Variants in TP63 observed in about 807,000 individuals in gnomAD.
The protein encoded by TP63 is tumor protein 63.
Under a neutral mutation model 82.8 loss-of-function variants are expected in TP63, and 17 were observed. That is an observed-to-expected ratio of 0.21 (90% CI 0.14 to 0.31). The LOEUF (loss-of-function observed/expected upper bound fraction) is 0.31. Among genes scored for constraint, TP63 ranks in the 10% least tolerant of loss-of-function variants. TP63 has a pLI of 1.00. For missense variants in TP63, 648 were observed against 895.3 expected, an observed-to-expected ratio of 0.72 and a Z score of 3.52; for synonymous variants, 330 against 321.7, an observed-to-expected ratio of 1.03 and a Z score of -0.28.
chr3:189,759,440 G>C (rs1350826882), intron 3 of TP63, among the ~76,000 whole-genome samples: 1 of 152,164 alleles, frequency 6.6e-6, no homozygotes, highest in Non-Finnish European at 1.5e-5. Context: ...TTTATTGTGA[G>C]CCAAATATGA....
chr3:189,712,926 A>G (rs955695052), intron 1 of TP63, among the ~76,000 whole-genome samples: 5 of 152,112 alleles, frequency 3.3e-5, no homozygotes, highest in African/African-American at 1.2e-4. Context: ...GAGCCATTGA[A>G]AATATCTGAG....
rs192695683 is a variant in TP63 at position 189,675,329 on chromosome 3, T to G, written c.62+43752T>G. Among the ~76,000 whole-genome samples, 73 of 152,150 alleles carry G rather than the reference T, an allele frequency of 4.8e-4. 1 individual carries two copies. The highest frequency in any genetic ancestry group is 1.7e-3 in the African/African-American group (72 of 41,512). On this transcript the variant is annotated intron_variant, in intron 1 of 13. Coordinates refer to ENST00000264731, the MANE Select transcript of TP63 (RefSeq NM_003722.5). ...CATTAAGATCATAGCAAGAAGACTGTCATCAGAAGATAATTATTGAATTTT... is the reference window on the plus strand; with the variant it reads ...CATTAAGATCATAGCAAGAAGACTGGCATCAGAAGATAATTATTGAATTTT...
At chr3:189,656,362 T>C (rs922240490) in intron 1 of TP63, among the ~76,000 whole-genome samples, 4 of 152,142 alleles carry the variant, frequency 2.6e-5, no homozygotes, top group African/African-American at 7.2e-5. Context: ...TTGCAATTTT[T>C]ACATAAATAG....
In TP63 at chr3:189,868,694, G is replaced by A. The variant is rs2108806989; in HGVS notation, c.1107G>A (p.Lys369=). The A allele has an allele frequency of 6.2e-7, 1 of 1,614,088 alleles. No homozygotes were observed. Among genetic ancestry groups the A allele is most frequent in the Non-Finnish European group, 8.5e-7 (1 of 1,179,980 alleles). Residue 369 remains lysine, a synonymous_variant, in exon 8 of 14, where the codon AAG becomes AAA. Coordinates refer to ENST00000264731, the MANE Select transcript of TP63 (RefSeq NM_003722.5). ...IRKQQVSDST[K]NGDGTKRPFR... is the part of the protein sequence containing the mutation. Reference sequence around the variant, plus strand: ...AGCAGCAAGTTTCGGACAGTACAAAGAACGGTGATGGTACGAAGCGCCGTA... The same window carrying A: ...AGCAGCAAGTTTCGGACAGTACAAAAAACGGTGATGGTACGAAGCGCCGTA...
At chr3:189,878,584 T>C (rs1157818749) in intron 10 of TP63, among the ~76,000 whole-genome samples, 2 of 81,018 alleles carry the variant, frequency 2.5e-5, no homozygotes, top group East Asian at 5.7e-4. Flanking sequence ...TATATATAAT[T>C]TTTTTTTTCT....
chr3:189,673,432 T>C (rs1453917659), intron 1 of TP63, among the ~76,000 whole-genome samples: 2 of 152,034 alleles, frequency 1.3e-5, no homozygotes, highest in African/African-American at 4.8e-5. Flanking sequence ...AAGTAGAACA[T>C]AAAGATTGGA....
Position 189,886,411 on chromosome 3 carries a change from C to T in TP63, c.1367C>T (p.Pro456Leu), listed in dbSNP as rs201479097. The T allele has an allele frequency of 2.4e-5, 38 of 1,614,084 alleles. No homozygotes were observed. The African/African-American group carries it at 3.7e-4, about 16-fold the overall frequency. Residue 456 changes from proline to leucine, a missense_variant, in exon 11 of 14, where the codon CCA (proline) becomes CTA (leucine). By Grantham distance (98) the Pro-to-Leu change is moderately conservative. Around this residue, in one of 5 missense-constraint regions of TP63, gnomAD observed 342 missense variants for 425.7 expected, o/e 0.80. Coordinates refer to ENST00000264731, the MANE Select transcript of TP63 (RefSeq NM_003722.5). Reference sequence around the variant, plus strand: ...CTTCCTAGGACCTCAATACAGTCTCCATCTTCATATGGTAACAGCTCCCCA... The same window carrying T: ...CTTCCTAGGACCTCAATACAGTCTCTATCTTCATATGGTAACAGCTCCCCA... ...LLQKQTSIQS[P>L]SSYGNSSPPL...
intron 1 of TP63, among the ~76,000 whole-genome samples, chr3:189,710,699 G>A (rs964216177): frequency 6.6e-6 from 1 of 152,090 alleles, no homozygotes; most frequent in Non-Finnish European, 1.5e-5. Context: ...AGTGCCTGAA[G>A]GTTGAGCTAG....
At chr3:189,837,207 C>CT (rs1713281013) in intron 4 of TP63, among the ~76,000 whole-genome samples, 1 of 141,972 alleles carries the variant, frequency 7.0e-6, no homozygotes, top group Non-Finnish European at 1.6e-5. Flanking sequence ...CTGTTCAAAA[C>CT]ATTTTTTTTT....
intron 1 of TP63, among the ~76,000 whole-genome samples, chr3:189,731,583 A>G (rs1284643754): frequency 6.6e-6 from 1 of 152,240 alleles, no homozygotes; most frequent in East Asian, 1.9e-4. Flanking sequence ...GGTGCAACAG[A>G]CTAAAATGAC....
intron 3 of TP63, among the ~76,000 whole-genome samples, chr3:189,776,407 A>G (rs1448934673): frequency 5.9e-5 from 9 of 152,292 alleles, no homozygotes; most frequent in Admixed American, 5.2e-4. Flanking sequence ...CACTATCTTT[A>G]TGGGTGAATA....
the TP63 span, among the ~76,000 whole-genome samples, chr3:189,610,808 A>T: frequency 2.6e-5 from 4 of 151,980 alleles, no homozygotes; most frequent in Non-Finnish European, 5.9e-5. Context: ...CTGTGAAGAA[A>T]AAGATGTTTC....
intron 1 of TP63, among the ~76,000 whole-genome samples, chr3:189,649,616 A>C (rs1321094856): frequency 6.8e-6 from 1 of 147,094 alleles, no homozygotes; most frequent in African/African-American, 2.5e-5. Context: ...ATGTACCCCC[A>C]AACTTAAAAG....
chr3:189,685,339 G>A (rs1716348646), intron 1 of TP63, among the ~76,000 whole-genome samples: 2 of 152,166 alleles, frequency 1.3e-5, no homozygotes, highest in Non-Finnish European at 2.9e-5. Flanking sequence ...GCCCTGCATT[G>A]CAGGTTGTTT....
At chr3:189,735,873 G>A (rs1192721491) in intron 1 of TP63, among the ~76,000 whole-genome samples, 1 of 151,976 alleles carries the variant, frequency 6.6e-6, no homozygotes, top group Non-Finnish European at 1.5e-5. Context: ...ATTCGAATAA[G>A]TACAATAGAA....
At chr3:189,700,662 C>T (rs1717735608) in intron 1 of TP63, among the ~76,000 whole-genome samples, 1 of 152,082 alleles carries the variant, frequency 6.6e-6, no homozygotes, top group South Asian at 2.1e-4. Flanking sequence ...ATCCTTATGT[C>T]CCTTGATGTG....
At chr3:189,734,047 T>G (rs1420380091) in intron 1 of TP63, among the ~76,000 whole-genome samples, 1 of 151,950 alleles carries the variant, frequency 6.6e-6, no homozygotes, top group Non-Finnish European at 1.5e-5. Flanking sequence ...TTTCTTTTTC[T>G]TTCTCTCTTT....
the TP63 span, among the ~76,000 whole-genome samples, chr3:189,614,365 C>A: frequency 9.2e-5 from 14 of 152,148 alleles, no homozygotes; most frequent in Admixed American, 2.0e-4. Context: ...TGCCTCCTGC[C>A]ATGATTCTGA....
intron 3 of TP63, among the ~76,000 whole-genome samples, chr3:189,786,823 A>G (rs917916770): frequency 6.6e-6 from 1 of 152,052 alleles, no homozygotes; most frequent in Non-Finnish European, 1.5e-5. Context: ...TATTTATCTG[A>G]AAAATGTAGA....
Sources: gnomAD v4.1 joint callset for allele counts (sites outside exome capture counted in the v4.1 genomes callset) on GRCh38, gnomAD v4.1.1 for gene constraint, gnomAD v4.1.1 regional missense constraint, MANE v1.5 for transcripts, NCBI Gene and HGNC (gene_info 2026-07-23, HGNC 2026-07-21) for gene names.